The following MRPS27 variants were observed in gnomAD, a reference collection of about 807,000 sequenced individuals.
MRPS27 encodes small ribosomal subunit protein mS27.
MRPS27 carries 43 observed loss-of-function variants against 48.9 expected under a neutral mutation model. The observed-to-expected ratio is 0.88, with a 90% CI of 0.69 to 1.13. The LOEUF is 1.13. Among genes scored for constraint, MRPS27 ranks in the 50% most tolerant of loss-of-function variants. MRPS27 has a pLI of 0.00. For synonymous variants in MRPS27, 188 were observed against 171.9 expected (o/e 1.09, Z -0.73); for missense variants, 467 against 476.3 (o/e 0.98, Z 0.18).
At chr5:72,271,217 T>C (rs933144747) in intron 4 of MRPS27, among the ~76,000 whole-genome samples, 2 of 152,084 alleles carry the variant, frequency 1.3e-5, no homozygotes, top group Non-Finnish European at 2.9e-5. Context: ...GATAATATGG[T>C]TGGATATGTA....
intron 4 of MRPS27, among the ~76,000 whole-genome samples, chr5:72,289,026 T>C (rs765049875): frequency 4.6e-5 from 7 of 152,164 alleles, no homozygotes; most frequent in Non-Finnish European, 1.0e-4. Context: ...TCATGAAAAA[T>C]GAAGCTATTT....
chr5:72,241,642 C>G, intron 4 of MRPS27: 1 of 1,535,352 alleles, frequency 6.5e-7, no homozygotes, highest in East Asian at 2.4e-5. Context: ...GGAATGGGCA[C>G]TTGCCTGGAA....
intron 8 of MRPS27, 198 bp downstream of exon 8, chr5:72,228,068 G>A (rs1463264020): frequency 5.3e-6 from 3 of 570,214 alleles, no homozygotes; most frequent in Non-Finnish European, 6.1e-6. Flanking sequence ...CTTTGCCAGT[G>A]ATGGCAGGTT....
chr5:72,278,505 T>C (rs935745778), intron 4 of MRPS27, among the ~76,000 whole-genome samples: 1 of 150,086 alleles, frequency 6.7e-6, no homozygotes, highest in Non-Finnish European at 1.5e-5. Flanking sequence ...TTTAAGCCAA[T>C]AAAGCATTAT....
chr5:72,291,105 T>C (rs1226938778), intron 4 of MRPS27, among the ~76,000 whole-genome samples: 2 of 152,168 alleles, frequency 1.3e-5, no homozygotes, highest in Non-Finnish European at 2.9e-5. Flanking sequence ...GTAGGGAAAC[T>C]TGGGAGACTG....
intron 4 of MRPS27, among the ~76,000 whole-genome samples, chr5:72,268,861 G>T (rs1348628327): frequency 1.3e-5 from 2 of 152,156 alleles, no homozygotes; most frequent in Admixed American, 1.3e-4. Context: ...GGGGTCAATT[G>T]AACTTTAGAG....
In MRPS27 at chr5:72,221,055, A is replaced by G. The variant is rs746394297; in HGVS notation, c.1099T>C (p.Cys367Arg). Residue 367 changes from cysteine to arginine, a missense_variant, in exon 11 of 11, where the codon TGT (cysteine) becomes CGT (arginine). Physicochemically the swap from Cys to Arg is radical, Grantham distance 180. Transcript: ENST00000261413. Reference protein sequence around the residue: ...TQLVKEKLSTCEAEDIATYEQ... With the variant: ...TQLVKEKLSTREAEDIATYEQ... The stretch of plus-strand genomic sequence containing the variant: ...TAGGTGGCGATGTCCTCTGCTTCAC[A>G]GGTGGAGAGTTTTTCCTTGACAAGC... 6.2e-7 allele frequency: 1 copy of G among 1,614,202 alleles called. No homozygotes were observed. The highest frequency in any genetic ancestry group is 8.5e-7 in the Non-Finnish European group (1 of 1,180,026).
chr5:72,273,115 T>C lies in MRPS27; in HGVS notation c.281+22416A>G, dbSNP rs1749288746. Among the ~76,000 whole-genome samples, 4 of 152,134 alleles carry C rather than the reference T, an allele frequency of 2.6e-5. No homozygotes were observed. In the South Asian group the frequency reaches 8.3e-4, roughly 32 times the overall value. On this transcript the variant is annotated intron_variant, in intron 4 of 10. Transcript: ENST00000261413. ...TCCCATTTCTCCTGAGAAATTCAAG[T>C]CTTATCTCATCCCTGGAAGCTACCC...
chr5:72,280,576 AC>A (rs1368366239), intron 4 of MRPS27, among the ~76,000 whole-genome samples: 2 of 152,246 alleles, frequency 1.3e-5, no homozygotes, highest in Non-Finnish European at 2.9e-5. Flanking sequence ...TTCTAAAAAA[AC>A]CAATAAAATA....
In MRPS27 at chr5:72,308,138, C is replaced by A. The variant is rs146621635; in HGVS notation, c.151+5943G>T. 8.7e-3 allele frequency among the ~76,000 whole-genome samples: 1,327 copies of A among 152,276 alleles called. 28 individuals carry two copies. Among genetic ancestry groups the A allele is most frequent in the African/African-American group, 0.029 (1,207 of 41,564 alleles). On this transcript the variant is annotated intron_variant, in intron 2 of 10. Coordinates refer to ENST00000261413, the MANE Select transcript of MRPS27 (RefSeq NM_015084.3). ...CCTAGACAGCTGCATTGGCGTCCAC[C>A]GCGGCCCCGGCGCTGGGAAACTGCC...
chr5:72,298,563 G>A lies in MRPS27; in HGVS notation c.152-861C>T, dbSNP rs566227734. Among the ~76,000 whole-genome samples, 18 of 151,794 alleles carry A rather than the reference G, an allele frequency of 1.2e-4. No individual in the cohort carries two copies. The South Asian group carries it at 3.1e-3, about 26-fold the overall frequency. On this transcript the variant is annotated intron_variant, in intron 2 of 10. Transcript: ENST00000261413. ...CTACTAAAAATACAAAAAATTAGCC[G>A]GGCGCGGTGGCGGGCGCCTGTAGTC...
intron 2 of MRPS27, among the ~76,000 whole-genome samples, chr5:72,302,259 C>A (rs1466773902): frequency 6.6e-6 from 1 of 152,146 alleles, no homozygotes; most frequent in Non-Finnish European, 1.5e-5. Context: ...AGTAAGAGTG[C>A]AATGGCCCAC....
chr5:72,284,813 T>G (rs993396843), intron 4 of MRPS27, among the ~76,000 whole-genome samples: 1 of 152,220 alleles, frequency 6.6e-6, no homozygotes, highest in African/African-American at 2.4e-5. Flanking sequence ...ATTTATTCAA[T>G]AGGAAATACA....
chr5:72,318,111 G>A (rs1021538322), intron 1 of MRPS27, among the ~76,000 whole-genome samples: 3 of 152,222 alleles, frequency 2.0e-5, no homozygotes, highest in African/African-American at 7.2e-5. Flanking sequence ...ATTCAAAACT[G>A]TCCTGGGCTG....
intron 4 of MRPS27, among the ~76,000 whole-genome samples, chr5:72,280,725 G>A (rs1437788556): frequency 6.6e-6 from 1 of 152,182 alleles, no homozygotes; most frequent in Non-Finnish European, 1.5e-5. Flanking sequence ...CCAGCCCACA[G>A]AACAGACCTC....
intron 4 of MRPS27, among the ~76,000 whole-genome samples, chr5:72,240,700 C>A (rs1043738313): frequency 3.3e-5 from 5 of 152,264 alleles, no homozygotes; most frequent in Non-Finnish European, 5.9e-5. Context: ...TAGTTTCAGA[C>A]CTTCAAAGCT....
Position 72,317,710 on chromosome 5 carries a change from T to C in MRPS27, c.73+2439A>G, listed in dbSNP as rs141291402. On this transcript the variant is annotated intron_variant, in intron 1 of 10. Transcript: ENST00000261413. Reference sequence around the variant, plus strand: ...ATTTATTATTATTATTTTTTTGAGATGGAGTATCTCTCTGTTGCCCAGGCT... The same window carrying C: ...ATTTATTATTATTATTTTTTTGAGACGGAGTATCTCTCTGTTGCCCAGGCT... Among the ~76,000 whole-genome samples, 1,319 of 147,478 alleles carry C rather than the reference T, an allele frequency of 8.9e-3. 28 individuals carry two copies. Among genetic ancestry groups the C allele is most frequent in the African/African-American group, 0.03 (1,199 of 39,880 alleles).
At chr5:72,254,420 A>C (rs1703670022) in intron 4 of MRPS27, among the ~76,000 whole-genome samples, 1 of 152,210 alleles carries the variant, frequency 6.6e-6, no homozygotes, top group Admixed American at 6.5e-5. Context: ...AAAGAGACCA[A>C]GGGAGAAAAA....
chr5:72,286,470 T>C (rs967165021), intron 4 of MRPS27, among the ~76,000 whole-genome samples: 3 of 152,082 alleles, frequency 2.0e-5, no homozygotes. Context: ...TCAACAAAGG[T>C]ACAAAGGCAA....
Sources: gnomAD v4.1 joint callset for allele counts (sites outside exome capture counted in the v4.1 genomes callset) on GRCh38, gnomAD v4.1.1 for gene constraint, MANE v1.5 for transcripts, NCBI Gene and HGNC (gene_info 2026-07-23, HGNC 2026-07-21) for gene names.